The following CSMD1 variants were observed in gnomAD, a reference collection of about 807,000 sequenced individuals.
The protein encoded by CSMD1 is CUB and Sushi multiple domains 1, also known as CUB and sushi domain-containing protein 1.
CSMD1 carries 213 observed loss-of-function variants against 417.5 expected under a neutral mutation model. The observed-to-expected ratio is 0.51, with a 90% CI of 0.46 to 0.57. The LOEUF is 0.57. CSMD1 is among the 20% of genes least tolerant of loss of function. The pLI, the probability that CSMD1 is intolerant of heterozygous loss-of-function variation, is 0.00. For missense variants in CSMD1, 6,923 were observed against 4,529.7 expected (o/e 1.53, Z -15.17); for synonymous variants, 2,862 against 1,736.8 (o/e 1.65, Z -16.11).
chr8:4,582,861 G>C (rs1180092906), intron 2 of CSMD1, among the ~76,000 whole-genome samples: 1 of 152,232 alleles, frequency 6.6e-6, no homozygotes, highest in Non-Finnish European at 1.5e-5. Context: ...GGCTGTGCGA[G>C]GCACTTGCGG....
chr8:3,994,063 A>T (rs1814971756), intron 5 of CSMD1, among the ~76,000 whole-genome samples: 1 of 152,192 alleles, frequency 6.6e-6, no homozygotes, highest in Non-Finnish European at 1.5e-5. Flanking sequence ...ACAGCTTGGG[A>T]AGGCACACTG....
chr8:4,170,927 G>A (rs774638381), intron 3 of CSMD1, among the ~76,000 whole-genome samples: 2 of 151,822 alleles, frequency 1.3e-5, no homozygotes, highest in Non-Finnish European at 1.5e-5. Flanking sequence ...TCCAATGCCT[G>A]TACAAGCTGT....
chr8:3,087,771 A>T (rs1433600111), intron 48 of CSMD1, among the ~76,000 whole-genome samples: 1 of 152,224 alleles, frequency 6.6e-6, no homozygotes, highest in East Asian at 1.9e-4. Context: ...GTCTAGAGGG[A>T]TCATTTTGAA....
intron 52 of CSMD1, among the ~76,000 whole-genome samples, chr8:3,007,944 A>G (rs1808078083): frequency 6.6e-6 from 1 of 152,114 alleles, no homozygotes; most frequent in African/African-American, 2.4e-5. Flanking sequence ...AAAACTTAAA[A>G]AAAGAAAGCT....
intron 3 of CSMD1, among the ~76,000 whole-genome samples, chr8:4,085,690 T>C (rs1233641862): frequency 6.6e-6 from 1 of 152,196 alleles, no homozygotes; most frequent in African/African-American, 2.4e-5. Context: ...AATGCTCTAA[T>C]ATGATCCCAA....
intron 12 of CSMD1, among the ~76,000 whole-genome samples, chr8:3,437,286 G>A (rs918753293): frequency 6.6e-6 from 1 of 152,224 alleles, no homozygotes; most frequent in African/African-American, 2.4e-5. Context: ...CCCAAATGAC[G>A]GAGCGGCTCT....
chr8:3,245,045 A>G (rs953334380), intron 26 of CSMD1, among the ~76,000 whole-genome samples: 1 of 152,214 alleles, frequency 6.6e-6, no homozygotes, highest in East Asian at 1.9e-4. Context: ...GGTATTTTAG[A>G]AGGTCAACTG....
intron 7 of CSMD1, among the ~76,000 whole-genome samples, chr8:3,678,263 C>A (rs946241122): frequency 2.0e-5 from 3 of 152,074 alleles, no homozygotes; most frequent in Admixed American, 6.6e-5. Flanking sequence ...AGTTCGAACC[C>A]ATCGCAAAGA....
At chr8:4,484,141 G>A (rs1206910829) in intron 2 of CSMD1, among the ~76,000 whole-genome samples, 5 of 151,072 alleles carry the variant, frequency 3.3e-5, no homozygotes, top group Non-Finnish European at 2.9e-5. Context: ...AGGCTAGAAG[G>A]ATTTGTGGAG....
chr8:3,818,130 G>C (rs1248637370), intron 5 of CSMD1, among the ~76,000 whole-genome samples: 4 of 152,120 alleles, frequency 2.6e-5, no homozygotes, highest in East Asian at 3.9e-4. Context: ...GACCCAAAGA[G>C]AGTTTCAGCT....
At chr8:3,877,628 T>C (rs34836154) in intron 5 of CSMD1, among the ~76,000 whole-genome samples, 42,772 of 152,082 alleles carry the variant, frequency 0.28, 8,167 homozygotes, top group African/African-American at 0.55. Context: ...GCCCAGTTCA[T>C]CTACTCCTTA....
At position 4,534,388 on chromosome 8, in the gene CSMD1, T is replaced by C. The variant is rs1338366941; in HGVS notation, c.302+102954A>G. Among the ~76,000 whole-genome samples, 6 of 152,374 alleles carry C rather than the reference T, an allele frequency of 3.9e-5. 1 individual carries two copies. The highest frequency in any genetic ancestry group is 1.2e-4 in the African/African-American group (5 of 41,586). On this transcript the variant is annotated intron_variant, in intron 2 of 69. Transcript: ENST00000635120. The stretch of plus-strand genomic sequence containing the variant: ...TGCCTTTGCATGGATGGTTTATCAA[T>C]TGAAACTTGTTTTCACTCATTCACC...
chr8:4,624,021 A>C (rs1402722312), intron 2 of CSMD1, among the ~76,000 whole-genome samples: 1 of 152,130 alleles, frequency 6.6e-6, no homozygotes, highest in Non-Finnish European at 1.5e-5. Context: ...AATTGTAACT[A>C]AAGGACTCAT....
At position 3,401,985 on chromosome 8, in the gene CSMD1, G is replaced by C. The variant is rs1812066310; in HGVS notation, c.2267-2456C>G. 2.0e-5 allele frequency among the ~76,000 whole-genome samples: 3 copies of C among 151,682 alleles called. No homozygotes were observed. In the South Asian group the frequency reaches 6.2e-4, roughly 32 times the overall value. On this transcript the variant is annotated intron_variant, in intron 15 of 69. Coordinates refer to ENST00000635120, the MANE Select transcript of CSMD1 (RefSeq NM_033225.6). ...TTTTTTTTTGATGATTTAAATTACA[G>C]TGATGAATTCCCTGATACTGTATTT...
At chr8:4,305,349 G>T (rs904274551) in intron 3 of CSMD1, among the ~76,000 whole-genome samples, 2 of 152,098 alleles carry the variant, frequency 1.3e-5, no homozygotes, top group African/African-American at 4.8e-5. Context: ...AGTGAGACCC[G>T]AACTGGAATC....
At chr8:3,033,650 G>T (rs1180408953) in intron 50 of CSMD1, among the ~76,000 whole-genome samples, 2 of 152,050 alleles carry the variant, frequency 1.3e-5, no homozygotes, top group Non-Finnish European at 2.9e-5. Context: ...CTTAAACCAC[G>T]CGGGATTTAA....
At chr8:4,091,674 C>G (rs1181473713) in intron 3 of CSMD1, among the ~76,000 whole-genome samples, 1 of 152,234 alleles carries the variant, frequency 6.6e-6, no homozygotes, top group South Asian at 2.1e-4. Context: ...ATGCTCACTC[C>G]CTAAAATCTG....
At chr8:4,159,954 G>C (rs935469005) in intron 3 of CSMD1, among the ~76,000 whole-genome samples, 9 of 151,992 alleles carry the variant, frequency 5.9e-5, no homozygotes, top group East Asian at 1.9e-4. Context: ...GGGTGGGAGG[G>C]GGTGAGGGAT....
At position 3,211,604 on chromosome 8, in the gene CSMD1, C is replaced by T. The variant is rs543616050; in HGVS notation, c.4867+2893G>A. On this transcript the variant is annotated intron_variant, in intron 30 of 69. Transcript: ENST00000635120. The stretch of plus-strand genomic sequence containing the variant: ...ATGCCTGTGGAATTTATCCTCCTAA[C>T]ACTTGTGACCTAGAGACTGTCATCG... Among the ~76,000 whole-genome samples the T allele has an allele frequency of 3.3e-5, 5 of 152,352 alleles. No individual in the cohort carries two copies. The East Asian group carries it at 9.6e-4, about 29-fold the overall frequency.
Sources: gnomAD v4.1 joint callset for allele counts (sites outside exome capture counted in the v4.1 genomes callset) on GRCh38, gnomAD v4.1.1 for gene constraint, MANE v1.5 for transcripts, NCBI Gene and HGNC (gene_info 2026-07-23, HGNC 2026-07-21) for gene names.